The following DNAH9 variants were observed in gnomAD, a reference collection of about 807,000 sequenced individuals.
DNAH9 encodes DNAH9 variant protein.
DNAH9 carries 345 observed loss-of-function variants against 471.6 expected under a neutral mutation model. The ratio of observed to expected loss-of-function variants is 0.73; its 90% CI spans 0.67 to 0.80. DNAH9 has a LOEUF of 0.80. DNAH9 is among the 30% of genes least tolerant of loss of function. The probability of loss-of-function intolerance (pLI) is 0.00; values close to 1 mark genes in which losing one functional copy is unlikely to be tolerated. For missense variants in DNAH9, 5,407 were observed against 5,609.2 expected (o/e 0.96, Z 1.15); for synonymous variants, 2,093 against 2,123.6 (o/e 0.99, Z 0.40).
rs200329104 is a variant in DNAH9, at chr17:11,721,588, A to G, written c.5709+2098A>G. On this transcript the variant is annotated intron_variant, in intron 27 of 68. Coordinates refer to ENST00000262442, the MANE Select transcript of DNAH9 (RefSeq NM_001372.4). ...CAGCATGTGCTGAGCATTGTGCAGG[A>G]TGCCAAAAACAGATCATATGGGGAG... Among the ~76,000 whole-genome samples the G allele has an allele frequency of 2.6e-5, 4 of 152,140 alleles. No individual in the cohort carries two copies. The South Asian group carries it at 6.2e-4, about 24-fold the overall frequency.
chr17:11,900,894 G>C (rs995426863), intron 59 of DNAH9, among the ~76,000 whole-genome samples: 1 of 152,196 alleles, frequency 6.6e-6, no homozygotes, highest in African/African-American at 2.4e-5. Flanking sequence ...AAGTATCTAA[G>C]TGAGTGATGT....
chr17:11,774,390 G>A (rs961307254), intron 38 of DNAH9, among the ~76,000 whole-genome samples: 1 of 152,104 alleles, frequency 6.6e-6, no homozygotes, highest in Non-Finnish European at 1.5e-5. Context: ...AGACATTCCC[G>A]AGACTGGGTA....
intron 67 of DNAH9, 37 bp downstream of exon 67, chr17:11,942,522 C>A: frequency 1.3e-6 from 2 of 1,588,650 alleles, no homozygotes; most frequent in Non-Finnish European, 1.7e-6. Context: ...GGGGACATTG[C>A]TAGAGGACAC....
At chr17:11,874,811 C>A in intron 52 of DNAH9, 138 bp from the exon 53 acceptor site, 1 of 654,114 alleles carries the variant, frequency 1.5e-6, no homozygotes, top group East Asian at 2.7e-5. Flanking sequence ...AATAATCACA[C>A]AGCCAGAAAG....
intron 49 of DNAH9, among the ~76,000 whole-genome samples, chr17:11,850,125 G>T (rs1009191412): frequency 6.6e-6 from 1 of 152,192 alleles, no homozygotes; most frequent in Non-Finnish European, 1.5e-5. Context: ...AGAAAAATGT[G>T]GAGTAGAGTA....
At chr17:11,860,239 T>C (rs1489965111) in intron 50 of DNAH9, among the ~76,000 whole-genome samples, 1 of 152,198 alleles carries the variant, frequency 6.6e-6, no homozygotes, top group Non-Finnish European at 1.5e-5. Flanking sequence ...TACTTTCCTT[T>C]ATTGTCTCTT....
chr17:11,884,619 A>G (rs11868929), intron 56 of DNAH9: 204,036 of 454,496 alleles, frequency 0.45, 48,405 homozygotes, highest in Middle Eastern at 0.55. Context: ...TGGGTAAGAC[A>G]GATAAACCAG....
intron 19 of DNAH9, among the ~76,000 whole-genome samples, 187 bp from the exon 20 acceptor site, chr17:11,689,379 T>C (rs201036536): frequency 4.2e-5 from 6 of 142,156 alleles, no homozygotes; most frequent in Non-Finnish European, 4.6e-5. Flanking sequence ...TTTTTTTTTT[T>C]CCCAAAAGAA....
chr17:11,647,121 T>C lies in DNAH9; in HGVS notation c.2020T>C (p.Ser674Pro), dbSNP rs778958282. 1 of 1,613,860 alleles carries C rather than the reference T, an allele frequency of 6.2e-7. No individual in the cohort carries two copies. The highest frequency in any genetic ancestry group is 8.5e-7 in the Non-Finnish European group (1 of 1,179,866). Reference protein sequence around the residue: ...EDWCRTVSEKSQYNLSQPLLK... With the variant: ...EDWCRTVSEKPQYNLSQPLLK... ...TTGGTGCCGGACAGTATCAGAGAAG[T>C]CACAGTACAATCTTTCCCAACCACT... is the stretch of plus-strand genomic sequence containing the variant. The change falls in exon 12 of 69, where the codon TCA (serine) becomes CCA (proline). Residue 674 changes from serine (S) to proline (P), a missense_variant. Ser to Pro is a moderately conservative substitution (Grantham distance 74). Coordinates refer to ENST00000262442, the MANE Select transcript of DNAH9 (RefSeq NM_001372.4).
intron 14 of DNAH9, among the ~76,000 whole-genome samples, chr17:11,664,329 G>A (rs960008408): frequency 6.6e-6 from 1 of 152,110 alleles, no homozygotes; most frequent in African/African-American, 2.4e-5. Flanking sequence ...ATTTATTTGT[G>A]TGCATTTTCT....
At chr17:11,901,839 G>A (rs1222149015) in intron 59 of DNAH9, among the ~76,000 whole-genome samples, 5 of 152,218 alleles carry the variant, frequency 3.3e-5, no homozygotes, top group African/African-American at 1.2e-4. Flanking sequence ...TAGGCCGCAT[G>A]CAGCCCAAGG....
In DNAH9 at chr17:11,747,567, G is replaced by A. The variant is rs761980508; in HGVS notation, c.6411G>A (p.Leu2137=). ...TCCTGCCTCCTCAGGTGGTCCAGCT[G>A]GAGGAGCTCCTGGCTGTGCGGCACT... ...EDNFVLKVVQ[L]EELLAVRHSV... is the part of the protein sequence containing the mutation. Residue 2137 remains leucine, a synonymous_variant, in exon 32 of 69, where the codon CTG becomes CTA. Transcript: ENST00000262442. The A allele has an allele frequency of 6.2e-7, 1 of 1,613,492 alleles. No individual in the cohort carries two copies. The highest frequency in any genetic ancestry group is 1.1e-5 in the South Asian group (1 of 91,042).
chr17:11,615,046 G>A (rs367683314), intron 4 of DNAH9, among the ~76,000 whole-genome samples: 87 of 152,250 alleles, frequency 5.7e-4, no homozygotes, highest in African/African-American at 1.8e-3. Context: ...GCTGTGGCTC[G>A]TGAAGGGCTG....
At chr17:11,952,866 C>T (rs1716487164) in intron 67 of DNAH9, among the ~76,000 whole-genome samples, 1 of 152,260 alleles carries the variant, frequency 6.6e-6, no homozygotes, top group Non-Finnish European at 1.5e-5. Flanking sequence ...ATATTTATTT[C>T]TCACAGTTGT....
chr17:11,900,199 C>G (rs903238722), intron 59 of DNAH9, among the ~76,000 whole-genome samples: 1 of 152,024 alleles, frequency 6.6e-6, no homozygotes, highest in African/African-American at 2.4e-5. Flanking sequence ...GTGCCTCCTG[C>G]TCCACTCCAC....
chr17:11,835,987 AC>A (rs1412970901), intron 49 of DNAH9, among the ~76,000 whole-genome samples: 3 of 151,986 alleles, frequency 2.0e-5, no homozygotes, highest in African/African-American at 7.3e-5. Flanking sequence ...TGTAAGTTAG[AC>A]CCCAGTCCAC....
intron 17 of DNAH9, among the ~76,000 whole-genome samples, chr17:11,672,463 G>A (rs1476390909): frequency 6.6e-6 from 1 of 152,126 alleles, no homozygotes; most frequent in Non-Finnish European, 1.5e-5. Flanking sequence ...GGTGGGTAAG[G>A]TATGGTTGCT....
At chr17:11,668,871 C>A (rs569759071) in intron 15 of DNAH9, among the ~76,000 whole-genome samples, 193 bp from the exon 16 acceptor site, 1 of 152,076 alleles carries the variant, frequency 6.6e-6, no homozygotes, top group East Asian at 1.9e-4. Context: ...CAGTGGTTCC[C>A]CCATTGAGAA....
At chr17:11,627,080 G>A (rs1022278270) in intron 6 of DNAH9, among the ~76,000 whole-genome samples, 1 of 152,188 alleles carries the variant, frequency 6.6e-6, no homozygotes, top group Non-Finnish European at 1.5e-5. Context: ...GAGTCTGGGG[G>A]AAAGCTGGAT....
Sources: gnomAD v4.1 joint callset for allele counts (sites outside exome capture counted in the v4.1 genomes callset) on GRCh38, gnomAD v4.1.1 for gene constraint, MANE v1.5 for transcripts, NCBI Gene and HGNC (gene_info 2026-07-23, HGNC 2026-07-21) for gene names.